The following ASB11 variants were observed in gnomAD, a reference collection of about 807,000 sequenced individuals.
ASB11 encodes ankyrin repeat and SOCS box containing 11.
In ASB11, 17 loss-of-function variants were observed where a neutral mutation model predicts 20.1. That is an observed-to-expected ratio of 0.85 (90% CI 0.58 to 1.27). The LOEUF (loss-of-function observed/expected upper bound fraction) is 1.27. Ranked by LOEUF, ASB11 falls within the 50% of genes most tolerant of loss-of-function variation. ASB11 has a pLI of 0.00. For missense variants in ASB11, 259 were observed against 256.9 expected (o/e 1.01, Z -0.06); for synonymous variants, 107 against 105.6 (o/e 1.01, Z -0.08).
At position 15,289,542 on chromosome X, in the gene ASB11, T is replaced by C; in HGVS notation, c.617A>G (p.Tyr206Cys). The stretch of plus-strand genomic sequence containing the variant: ...TTTCTTCACACAGTCTACCCTCTGG[T>C]AGGTGCAGGCCACATATAGGGGAGT... ...LGTPLYVACT[Y>C]QRVDCVKKLL... The change falls in exon 5 of 7, where the codon TAC (tyrosine) becomes TGC (cysteine). Residue 206 changes from tyrosine to cysteine, a missense_variant. Coordinates refer to ENST00000480796, the MANE Select transcript of ASB11 (RefSeq NM_080873.3). 7 of 1,208,549 alleles carry C rather than the reference T, an allele frequency of 5.8e-6. No individual in the cohort carries two copies. The highest frequency in any genetic ancestry group is 7.8e-6 in the Non-Finnish European group (7 of 893,460).
At chrX:15,305,044 G>A (rs1246637273) in intron 1 of ASB11, among the ~76,000 whole-genome samples, 1 of 111,808 alleles carries the variant, frequency 8.9e-6, no homozygotes, top group African/African-American at 3.3e-5. Flanking sequence ...TCCCAACTTA[G>A]AAATTGAAGA....
chrX:15,298,602 G>T (rs931610118), intron 2 of ASB11, among the ~76,000 whole-genome samples: 2 of 111,342 alleles, frequency 1.8e-5, no homozygotes, highest in Non-Finnish European at 3.8e-5. Context: ...CAGCATGGAG[G>T]GTTGATTGCA....
intron 1 of ASB11, among the ~76,000 whole-genome samples, chrX:15,304,588 A>G (rs1309799064): frequency 8.9e-6 from 1 of 112,388 alleles, no homozygotes; most frequent in Non-Finnish European, 1.9e-5. Context: ...ACATCTTCCA[A>G]GAAAGTAAGA....
In ASB11 at chrX:15,302,799, C is replaced by T; in HGVS notation, c.190G>A (p.Ala64Thr). ...GCTTCATGAAGTGGGGATCGATCAG[C>T]CCAGCAATCTGAAACACAAATCAAG... Reference protein sequence around the residue: ...EIYGGISDCWADRSPLHEAAA... With the variant: ...EIYGGISDCWTDRSPLHEAAA... Residue 64 changes from alanine to threonine, a missense_variant, in exon 2 of 7, where the codon GCT becomes ACT. By Grantham distance (58) the Ala-to-Thr change is moderately conservative. Transcript: ENST00000480796. 1.7e-6 allele frequency: 2 copies of T among 1,209,753 alleles called. No homozygotes were observed. The highest frequency in any genetic ancestry group is 2.2e-6 in the Non-Finnish European group (2 of 894,170).
chrX:15,284,975 CCAAA>C (rs751935931), intron 6 of ASB11, among the ~76,000 whole-genome samples: 8 of 110,986 alleles, frequency 7.2e-5, no homozygotes, highest in Non-Finnish European at 1.1e-4. Flanking sequence ...ACCTGGAGGA[CCAAA>C]CAATCGATCT....
rs1332128237 is a variant in ASB11 at position 15,302,713 on chromosome X, CTTCAG to C, written c.261+10_261+14del. ...ATAGCATAAGCATGAAGGATCAAGT[CTTCAG>C]TTCACTTACTTGTGCAATTAAAGTT... On this transcript the variant is annotated intron_variant, in intron 2 of 6. Coordinates refer to ENST00000480796, the MANE Select transcript of ASB11 (RefSeq NM_080873.3). 5.9e-6 allele frequency: 7 copies of C among 1,177,563 alleles called. No individual in the cohort carries two copies. Among genetic ancestry groups the C allele is most frequent in the Non-Finnish European group, 8.1e-6 (7 of 866,022 alleles).
chrX:15,307,506 C>T (rs1202046454), intron 1 of ASB11, among the ~76,000 whole-genome samples: 4 of 112,276 alleles, frequency 3.6e-5, no homozygotes, highest in Non-Finnish European at 5.6e-5. Flanking sequence ...GGCTCACACT[C>T]CTATGAGAAT....
At position 15,288,046 on chromosome X, in the gene ASB11, G is replaced by A; in HGVS notation, c.682C>T (p.Leu228=). ...LGASVDHGQW[L]DTPLHAAARQ... ...GCTGCAGCATGGAGTGGGGTGTCCAGCCACTGGCCATGGTCGACACTGGCT... is the reference window on the plus strand; with the variant it reads ...GCTGCAGCATGGAGTGGGGTGTCCAACCACTGGCCATGGTCGACACTGGCT... Residue 228 remains leucine (L), a synonymous_variant, in exon 6 of 7, where the codon CTG becomes TTG. Coordinates refer to ENST00000480796, the MANE Select transcript of ASB11 (RefSeq NM_080873.3). 8.3e-7 allele frequency: 1 copy of A among 1,210,233 alleles called. No homozygotes were observed. The highest frequency in any genetic ancestry group is 1.7e-5 in the African/African-American group (1 of 57,896).
chrX:15,313,429 T>C (rs1921501661), intron 1 of ASB11, among the ~76,000 whole-genome samples: 1 of 109,282 alleles, frequency 9.2e-6, no homozygotes, highest in African/African-American at 3.3e-5. Flanking sequence ...AAGTCTTATT[T>C]ACCAAATCTT....
At chrX:15,286,421 C>T (rs749423835) in intron 6 of ASB11, among the ~76,000 whole-genome samples, 1 of 109,918 alleles carries the variant, frequency 9.1e-6, no homozygotes, top group Non-Finnish European at 1.9e-5. Flanking sequence ...AATCCCAGCA[C>T]TTTGGAAGGC....
At chrX:15,304,773 G>T (rs1247095936) in intron 1 of ASB11, among the ~76,000 whole-genome samples, 1 of 111,808 alleles carries the variant, frequency 8.9e-6, no homozygotes, top group East Asian at 2.8e-4. Flanking sequence ...TACTCAGGAG[G>T]CTGAGGCAGA....
At chrX:15,299,861 C>T (rs1376853575) in intron 2 of ASB11, among the ~76,000 whole-genome samples, 1 of 111,403 alleles carries the variant, frequency 9.0e-6, no homozygotes, top group African/African-American at 3.3e-5. Context: ...ATGCCATGAC[C>T]CTGAACCCCG....
chrX:15,299,730 GT>G (rs1421214116), intron 2 of ASB11, among the ~76,000 whole-genome samples: 2 of 110,966 alleles, frequency 1.8e-5, no homozygotes, highest in Admixed American at 9.6e-5. Flanking sequence ...TGGAGAGGGG[GT>G]GCTTAGAATT....
intron 5 of ASB11, among the ~76,000 whole-genome samples, chrX:15,288,670 G>A (rs1181965581): frequency 3.6e-5 from 4 of 111,042 alleles, no homozygotes; most frequent in African/African-American, 1.3e-4. Flanking sequence ...GATCACCTGA[G>A]GTCAGGAGTT....
At chrX:15,312,406 C>T (rs928209887) in intron 1 of ASB11, among the ~76,000 whole-genome samples, 5 of 80,622 alleles carry the variant, frequency 6.2e-5, no homozygotes, top group Admixed American at 1.4e-4. Flanking sequence ...CACCCCCACC[C>T]GCCCACTGCA....
chrX:15,309,231 TA>T (rs1289579916), intron 1 of ASB11, among the ~76,000 whole-genome samples: 1 of 110,532 alleles, frequency 9.0e-6, no homozygotes. Context: ...CTTCTGTATT[TA>T]CAGCCACTCC....
At chrX:15,286,149 G>A (rs1927380093) in intron 6 of ASB11, among the ~76,000 whole-genome samples, 3 of 111,535 alleles carry the variant, frequency 2.7e-5, no homozygotes, top group Non-Finnish European at 5.6e-5. Context: ...TCCTGAATGA[G>A]AATCTGTATT....
At chrX:15,284,498 G>A (rs1927318378) in intron 6 of ASB11, among the ~76,000 whole-genome samples, 1 of 110,923 alleles carries the variant, frequency 9.0e-6, no homozygotes, top group Non-Finnish European at 1.9e-5. Context: ...TGCCCATGAG[G>A]TGGTGCTGGC....
chrX:15,302,660 C>A, intron 2 of ASB11, 68 bp downstream of exon 2: 1 of 1,085,007 alleles, frequency 9.2e-7, no homozygotes, highest in Non-Finnish European at 1.3e-6. Context: ...CTGCTACAGC[C>A]AAAGCTAATA....
Sources: gnomAD v4.1 joint callset for allele counts (sites outside exome capture counted in the v4.1 genomes callset) on GRCh38, gnomAD v4.1.1 for gene constraint, MANE v1.5 for transcripts, NCBI Gene and HGNC (gene_info 2026-07-23, HGNC 2026-07-21) for gene names.